ADAM29: variants seen among roughly 807,000 people sequenced by gnomAD.
ADAM29 encodes ADAM metallopeptidase domain 29.
For synonymous variants in ADAM29, 367 were observed against 342.3 expected, an observed-to-expected ratio of 1.07 and a Z score of -0.80; for missense variants, 969 against 1,001.8, an observed-to-expected ratio of 0.97 and a Z score of 0.44.
intron 3 of ADAM29, among the ~76,000 whole-genome samples, chr4:174,933,307 GA>G: frequency 6.6e-6 from 1 of 152,214 alleles, no homozygotes; most frequent in Non-Finnish European, 1.5e-5. Flanking sequence ...AGAAGTGAAA[GA>G]GAAACTTCTC....
intron 2 of ADAM29, among the ~76,000 whole-genome samples, chr4:174,927,603 T>C (rs1323899395): frequency 1.3e-5 from 2 of 152,250 alleles, no homozygotes; most frequent in Non-Finnish European, 2.9e-5. Context: ...TAAATATTCC[T>C]TGTTTGCATA....
chr4:174,949,429 G>A (rs1253988941), intron 4 of ADAM29, among the ~76,000 whole-genome samples: 1 of 152,158 alleles, frequency 6.6e-6, no homozygotes, highest in Non-Finnish European at 1.5e-5. Flanking sequence ...GTCTGTGGGG[G>A]TCAGGAGGTC....
chr4:174,975,852 C>T lies in ADAM29; in HGVS notation c.327C>T (p.Asp109=). The part of the protein sequence containing the change: ...NCYYHGYVEG[D]PESLVSLSTC... ...ACTATCATGGTTATGTGGAAGGGGA[C>T]CCAGAATCCCTGGTTTCCCTCAGTA... is the stretch of plus-strand genomic sequence containing the variant. The change falls in exon 5 of 5, where the codon GAC becomes GAT. Residue 109 remains aspartate (D), a synonymous_variant. Coordinates refer to ENST00000359240, the MANE Select transcript of ADAM29 (RefSeq NM_014269.4). 1 of 1,613,938 alleles carries T rather than the reference C, an allele frequency of 6.2e-7. No individual in the cohort carries two copies.
chr4:174,935,959 CTAAA>C (rs1334320451), intron 3 of ADAM29, among the ~76,000 whole-genome samples: 2 of 152,026 alleles, frequency 1.3e-5, no homozygotes, highest in African/African-American at 4.8e-5. Flanking sequence ...CAGATATTAA[CTAAA>C]TAGAGTGACC....
chr4:174,962,322 T>C lies in ADAM29; in HGVS notation c.-180-13024T>C, dbSNP rs533073305. 1.9e-4 allele frequency among the ~76,000 whole-genome samples: 29 copies of C among 152,040 alleles called. 1 individual carries two copies. In the South Asian group the frequency reaches 6.0e-3, roughly 32 times the overall value. Reference sequence around the variant, plus strand: ...GTCAGGAAATCAAGACCATCCTGGCTAACACGGTGAAACCCCGTCTCTACT... The same window carrying C: ...GTCAGGAAATCAAGACCATCCTGGCCAACACGGTGAAACCCCGTCTCTACT... On this transcript the variant is annotated intron_variant, in intron 4 of 4. Coordinates refer to ENST00000359240, the MANE Select transcript of ADAM29 (RefSeq NM_014269.4).
rs765711329 is a variant in ADAM29 at position 174,977,874 on chromosome 4, T to C, written c.2349T>C (p.Pro783=). ...CTCAGAGTCAACCTCCTGTGATGCC[T>C]TCCCAGAGTCATCCTCAGTTGACGC... ...MPSQSQPPVM[P]SQSHPQLTPS... is the part of the protein sequence containing the mutation. Residue 783 remains proline, a synonymous_variant, in exon 5 of 5, where the codon CCT becomes CCC. Transcript: ENST00000359240. 103 of 1,585,524 alleles carry C rather than the reference T, an allele frequency of 6.5e-5. No individual in the cohort carries two copies. The East Asian group carries it at 2.4e-3, about 37-fold the overall frequency.
At chr4:174,972,095 A>G (rs1257219267) in intron 4 of ADAM29, among the ~76,000 whole-genome samples, 1 of 151,906 alleles carries the variant, frequency 6.6e-6, no homozygotes, top group African/African-American at 2.4e-5. Context: ...TTTTTCCTGC[A>G]TTTTTCTCTT....
At chr4:174,949,387 T>A (rs918110245) in intron 4 of ADAM29, among the ~76,000 whole-genome samples, 1 of 152,190 alleles carries the variant, frequency 6.6e-6, no homozygotes, top group Non-Finnish European at 1.5e-5. Flanking sequence ...GCCGTGTCAT[T>A]TCTCTAAGCA....
intron 3 of ADAM29, among the ~76,000 whole-genome samples, chr4:174,932,501 T>C (rs1342741489): frequency 6.6e-6 from 1 of 152,078 alleles, no homozygotes; most frequent in African/African-American, 2.4e-5. Context: ...TCAGGCCTCT[T>C]TTACAAAGAC....
At chr4:174,956,451 C>A (rs1367104169) in intron 4 of ADAM29, among the ~76,000 whole-genome samples, 3 of 150,742 alleles carry the variant, frequency 2.0e-5, no homozygotes, top group African/African-American at 7.3e-5. Flanking sequence ...ATATCTATAT[C>A]TTCAAATTCC....
At chr4:174,942,123 AC>A (rs1231490946) in intron 4 of ADAM29, among the ~76,000 whole-genome samples, 1 of 152,124 alleles carries the variant, frequency 6.6e-6, no homozygotes, top group Non-Finnish European at 1.5e-5. Context: ...GGGAAGCTCC[AC>A]CCTTGTGGCT....
At chr4:174,952,814 G>T (rs1745263373) in intron 4 of ADAM29, among the ~76,000 whole-genome samples, 1 of 152,136 alleles carries the variant, frequency 6.6e-6, no homozygotes, top group South Asian at 2.1e-4. Context: ...CCTGGGCATA[G>T]TACCCGGGGG....
chr4:174,960,540 C>G (rs905280644), intron 4 of ADAM29, among the ~76,000 whole-genome samples: 1 of 151,970 alleles, frequency 6.6e-6, no homozygotes, highest in Non-Finnish European at 1.5e-5. Flanking sequence ...TTCTACAATT[C>G]TCAATTAAAT....
chr4:174,964,796 A>G (rs986744335), intron 4 of ADAM29, among the ~76,000 whole-genome samples: 3 of 152,148 alleles, frequency 2.0e-5, no homozygotes, highest in Non-Finnish European at 4.4e-5. Flanking sequence ...GAATTTAACC[A>G]CAAGATTATG....
chr4:174,925,682 CAGG>C (rs150064961), intron 2 of ADAM29, among the ~76,000 whole-genome samples: 1,999 of 152,150 alleles, frequency 0.013, 46 homozygotes, highest in African/African-American at 0.045. Flanking sequence ...ATTAAAATGC[CAGG>C]AGAAGTATCC....
At chr4:174,936,469 T>A (rs1395568836) in intron 3 of ADAM29, among the ~76,000 whole-genome samples, 1 of 151,964 alleles carries the variant, frequency 6.6e-6, no homozygotes, top group Non-Finnish European at 1.5e-5. Context: ...TAAATTGACT[T>A]CCTTTATGTT....
chr4:174,963,388 T>A (rs1238097626), intron 4 of ADAM29, among the ~76,000 whole-genome samples: 3 of 152,194 alleles, frequency 2.0e-5, no homozygotes, highest in Admixed American at 6.5e-5. Context: ...AAACACTTGA[T>A]AATTTTTCTT....
rs576290533 is a variant in ADAM29, at chr4:174,939,906, A to G, written c.-181+2893A>G. On this transcript the variant is annotated intron_variant, in intron 4 of 4. Transcript: ENST00000359240. ...AGTCAGTGTTGCAAATTTTATGAAT[A>G]CAAACTTTCCTTTTTCTCCCTCTCT... Among the ~76,000 whole-genome samples the G allele has an allele frequency of 1.7e-3, 262 of 152,076 alleles. 3 individuals are homozygous for G. Among genetic ancestry groups the G allele is most frequent in the Non-Finnish European group, 3.1e-3 (210 of 67,894 alleles).
intron 4 of ADAM29, among the ~76,000 whole-genome samples, chr4:174,958,964 T>C (rs1745658473): frequency 7.0e-6 from 1 of 143,868 alleles, no homozygotes; most frequent in African/African-American, 2.7e-5. Flanking sequence ...TTACTTATAT[T>C]CTTGAATTAC....
Sources: allele counts gnomAD v4.1 joint callset (sites outside exome capture counted in the v4.1 genomes callset), GRCh38; gene constraint gnomAD v4.1.1; transcripts MANE v1.5; gene names NCBI Gene and HGNC (gene_info 2026-07-23, HGNC 2026-07-21).